SLC26A7: variants seen among roughly 807,000 people sequenced by gnomAD.
SLC26A7 encodes anion exchange transporter.
A neutral mutation model predicts 82.5 loss-of-function variants in SLC26A7; 59 were observed. That is an observed-to-expected ratio of 0.72 (90% CI 0.58 to 0.89). The LOEUF is 0.89. Among genes scored for constraint, SLC26A7 ranks in the 40% least tolerant of loss-of-function variants. The pLI is 0.00. For synonymous variants in SLC26A7, 271 were observed against 274.3 expected, an observed-to-expected ratio of 0.99 and a Z score of 0.12; for missense variants, 820 against 793.0, an observed-to-expected ratio of 1.03 and a Z score of -0.41.
intron 1 of SLC26A7, among the ~76,000 whole-genome samples, chr8:91,212,123 G>T (rs984092762): frequency 6.6e-6 from 1 of 152,058 alleles, no homozygotes; most frequent in African/African-American, 2.4e-5. Flanking sequence ...TTTCAATGTA[G>T]TTGATATTTC....
intron 5 of SLC26A7, among the ~76,000 whole-genome samples, chr8:91,318,988 A>C (rs1272736183): frequency 1.3e-5 from 2 of 152,222 alleles, no homozygotes; most frequent in African/African-American, 4.8e-5. Flanking sequence ...AGCCTTGTTA[A>C]TGAATTTGCT....
chr8:91,269,691 A>G (rs1811214860), intron 2 of SLC26A7, among the ~76,000 whole-genome samples: 2 of 152,114 alleles, frequency 1.3e-5, no homozygotes, highest in South Asian at 4.1e-4. Context: ...ATTTTCAGCC[A>G]TTAATTTCTT....
chr8:91,326,475 T>C (rs938076120), intron 5 of SLC26A7, among the ~76,000 whole-genome samples: 2 of 152,170 alleles, frequency 1.3e-5, no homozygotes, highest in African/African-American at 4.8e-5. Context: ...TGTCTCTGTG[T>C]CCTGATTCTT....
At chr8:91,267,660 A>G (rs4599770) in intron 2 of SLC26A7, among the ~76,000 whole-genome samples, 124,824 of 151,552 alleles carry the variant, frequency 0.82, 51,802 homozygotes, top group Non-Finnish European at 0.85. Context: ...TGCTTGGTTA[A>G]TCTAGCTAAA....
chr8:91,239,551 C>G (rs1810446742), intron 2 of SLC26A7, among the ~76,000 whole-genome samples: 1 of 151,236 alleles, frequency 6.6e-6, no homozygotes, highest in Non-Finnish European at 1.5e-5. Flanking sequence ...TAAGAAATTG[C>G]CTTAGATTAA....
At chr8:91,235,949 G>C (rs1810387378) in intron 2 of SLC26A7, among the ~76,000 whole-genome samples, 1 of 152,118 alleles carries the variant, frequency 6.6e-6, no homozygotes, top group Admixed American at 6.5e-5. Context: ...GACATTTCTG[G>C]AAGTGAACAA....
intron 11 of SLC26A7, among the ~76,000 whole-genome samples, chr8:91,358,649 G>A (rs10090402): frequency 0.39 from 59,670 of 151,850 alleles, 12,570 homozygotes; most frequent in African/African-American, 0.51. Context: ...TGTTTGTTGC[G>A]GCACTACTCA....
intron 15 of SLC26A7, among the ~76,000 whole-genome samples, chr8:91,387,451 T>C (rs781060227): frequency 1.3e-5 from 2 of 152,154 alleles, no homozygotes; most frequent in Non-Finnish European, 2.9e-5. Flanking sequence ...TTAGCCCCCC[T>C]TGCCCTGGGA....
chr8:91,323,484 A>G (rs1007054314), intron 5 of SLC26A7, among the ~76,000 whole-genome samples: 6 of 152,188 alleles, frequency 3.9e-5, no homozygotes, highest in Non-Finnish European at 5.9e-5. Context: ...TTACCAAACA[A>G]GAGATGGCTG....
intron 2 of SLC26A7, among the ~76,000 whole-genome samples, chr8:91,241,814 A>G (rs1000231313): frequency 2.0e-5 from 3 of 152,186 alleles, no homozygotes; most frequent in African/African-American, 7.2e-5. Flanking sequence ...GCGTGACCGT[A>G]TCTTAGAAAT....
At chr8:91,229,195 A>T in intron 2 of SLC26A7, among the ~76,000 whole-genome samples, 1 of 152,062 alleles carries the variant, frequency 6.6e-6, no homozygotes. Flanking sequence ...TTTCCCCACA[A>T]CCTTTAGGAA....
intron 4 of SLC26A7, among the ~76,000 whole-genome samples, chr8:91,303,665 A>C (rs1156876006): frequency 6.6e-6 from 1 of 152,228 alleles, no homozygotes; most frequent in African/African-American, 2.4e-5. Context: ...TTATGTCTTC[A>C]AGGATGATAA....
intron 2 of SLC26A7, among the ~76,000 whole-genome samples, chr8:91,270,510 G>A (rs531397511): frequency 5.9e-5 from 9 of 152,168 alleles, no homozygotes; most frequent in Non-Finnish European, 8.8e-5. Flanking sequence ...TTCCAGGACA[G>A]GGGACAGCTC....
intron 15 of SLC26A7, among the ~76,000 whole-genome samples, chr8:91,384,827 C>T (rs1219854004): frequency 6.6e-6 from 1 of 152,052 alleles, no homozygotes; most frequent in African/African-American, 2.4e-5. Context: ...ATAATATGTG[C>T]ACGTGTTTTC....
intron 2 of SLC26A7, among the ~76,000 whole-genome samples, chr8:91,256,587 C>T (rs1810810022): frequency 6.6e-6 from 1 of 152,078 alleles, no homozygotes; most frequent in South Asian, 2.1e-4. Flanking sequence ...AGGACCTCCA[C>T]AGCCTGACAA....
intron 2 of SLC26A7, among the ~76,000 whole-genome samples, chr8:91,277,570 C>T (rs1184000664): frequency 6.6e-6 from 1 of 152,068 alleles, no homozygotes; most frequent in Non-Finnish European, 1.5e-5. Flanking sequence ...AGAAAGTTGC[C>T]ACAAAATACT....
intron 1 of SLC26A7, among the ~76,000 whole-genome samples, chr8:91,218,218 A>G (rs1432863696): frequency 1.3e-5 from 2 of 152,306 alleles, no homozygotes; most frequent in East Asian, 3.9e-4. Context: ...TCTCTCACTG[A>G]GAGCTGTGTT....
intron 15 of SLC26A7, among the ~76,000 whole-genome samples, chr8:91,379,609 T>C (rs987367667): frequency 6.6e-6 from 1 of 152,076 alleles, no homozygotes; most frequent in South Asian, 2.1e-4. Flanking sequence ...TATGTATCTA[T>C]ATGAATGAAA....
At chr8:91,328,993 A>T (rs1040858688) in intron 5 of SLC26A7, among the ~76,000 whole-genome samples, 3 of 152,156 alleles carry the variant, frequency 2.0e-5, no homozygotes, top group African/African-American at 7.2e-5. Context: ...CTAATATTAC[A>T]GTTTTATTAA....
Sources: allele counts gnomAD v4.1 joint callset (sites outside exome capture counted in the v4.1 genomes callset), GRCh38; gene constraint gnomAD v4.1.1; transcripts MANE v1.5; gene names NCBI Gene and HGNC (gene_info 2026-07-23, HGNC 2026-07-21).